Variants in GLIS1 observed in about 807,000 individuals in gnomAD.
The protein encoded by GLIS1 is zinc finger protein GLIS1.
In GLIS1, 24 loss-of-function variants were observed where a neutral mutation model predicts 63.8. The observed-to-expected ratio is 0.38, with a 90% CI of 0.27 to 0.53. The LOEUF is 0.53. GLIS1 is among the 20% of genes least tolerant of loss of function. The pLI, the probability that GLIS1 is intolerant of heterozygous loss-of-function variation, is 0.85. For missense variants in GLIS1, 1,036 were observed against 1,074.1 expected (o/e 0.96, Z 0.50); for synonymous variants, 450 against 482.5 (o/e 0.93, Z 0.88).
At chr1:53,603,561 CTGTT>C (rs1473491146) in intron 2 of GLIS1, among the ~76,000 whole-genome samples, 1 of 152,256 alleles carries the variant, frequency 6.6e-6, no homozygotes, top group Non-Finnish European at 1.5e-5. Flanking sequence ...TGCCTCCTGT[CTGTT>C]GTCTTGCCTC....
chr1:53,652,646 T>C (rs1056214572), intron 2 of GLIS1, among the ~76,000 whole-genome samples: 2 of 152,164 alleles, frequency 1.3e-5, no homozygotes, highest in Admixed American at 6.5e-5. Context: ...CAGTGAAGGT[T>C]AGTTGATAAA....
intron 2 of GLIS1, among the ~76,000 whole-genome samples, chr1:53,667,078 T>C (rs1005198026): frequency 2.8e-4 from 43 of 152,336 alleles, no homozygotes; most frequent in Non-Finnish European, 5.6e-4. Flanking sequence ...TTGGTGAAAA[T>C]GTTGATAATG....
At chr1:53,610,277 A>G (rs1330189331) in intron 2 of GLIS1, among the ~76,000 whole-genome samples, 2 of 152,240 alleles carry the variant, frequency 1.3e-5, no homozygotes, top group South Asian at 2.1e-4. Flanking sequence ...ATTTAAAAAA[A>G]TACTTTCCCT....
At chr1:53,721,249 G>GAGC (rs1646751152) in intron 2 of GLIS1, among the ~76,000 whole-genome samples, 2 of 152,086 alleles carry the variant, frequency 1.3e-5, no homozygotes, top group African/African-American at 4.8e-5. Context: ...CTTATTTAGG[G>GAGC]TGGCCTAATC....
chr1:53,508,432 C>T (rs1373783605), intron 10 of GLIS1, among the ~76,000 whole-genome samples: 1 of 152,210 alleles, frequency 6.6e-6, no homozygotes, highest in African/African-American at 2.4e-5. Context: ...TTTGTTGGAG[C>T]CCTGGAAACC....
At chr1:53,653,474 C>T (rs755494209) in intron 2 of GLIS1, among the ~76,000 whole-genome samples, 1 of 152,248 alleles carries the variant, frequency 6.6e-6, no homozygotes, top group East Asian at 1.9e-4. Flanking sequence ...TCTCTGTCTG[C>T]GTTCCTCTGT....
At position 53,557,100 on chromosome 1, in the gene GLIS1, G is replaced by T. The variant is rs78279101; in HGVS notation, c.1321-27148C>A. Among the ~76,000 whole-genome samples, 40 of 152,074 alleles carry T rather than the reference G, an allele frequency of 2.6e-4. 1 individual carries two copies. The East Asian group carries it at 7.0e-3, about 26-fold the overall frequency. ...ATATGTGTGTGCAGGTATACTTCAA[G>T]GTGTGTGCATGGGACATAAGCAGCA... On this transcript the variant is annotated intron_variant, in intron 4 of 10. Coordinates refer to ENST00000628545, the MANE Select transcript of GLIS1 (RefSeq NM_001367484.1).
intron 4 of GLIS1, among the ~76,000 whole-genome samples, chr1:53,541,571 C>T (rs568125547): frequency 2.0e-5 from 3 of 152,262 alleles, no homozygotes; most frequent in Non-Finnish European, 4.4e-5. Context: ...ACAGTGATGG[C>T]CTAGACCCAG....
chr1:53,736,827 C>A (rs1394252448), intron 2 of GLIS1, among the ~76,000 whole-genome samples: 3 of 152,186 alleles, frequency 2.0e-5, no homozygotes, highest in Non-Finnish European at 4.4e-5. Context: ...AGGCTGCCTA[C>A]CCCTTCCGAG....
In GLIS1 at chr1:53,598,952, G is replaced by C. The variant is rs759267520; in HGVS notation, c.437+1149C>G. Among the ~76,000 whole-genome samples the C allele has an allele frequency of 1.3e-5, 2 of 152,156 alleles. No homozygotes were observed. Among genetic ancestry groups the C allele is most frequent in the Non-Finnish European group, 2.9e-5 (2 of 68,024 alleles). ...CCTTCACCAAGATGCTCCCAGCACCGACCACAGTGCCTGGCACATGACAGG... is the reference window on the plus strand; with the variant it reads ...CCTTCACCAAGATGCTCCCAGCACCCACCACAGTGCCTGGCACATGACAGG... On this transcript the variant is annotated intron_variant, in intron 3 of 10. Transcript: ENST00000628545. This position sits in a 1 kb window ranked among gnomAD's most constrained non-coding sequence, Gnocchi z 4.6.
intron 2 of GLIS1, among the ~76,000 whole-genome samples, chr1:53,672,587 G>C (rs1557514364): frequency 6.6e-6 from 1 of 152,220 alleles, no homozygotes. Flanking sequence ...TCTTGGAGCA[G>C]TCTCTAACCG....
chr1:53,738,606 G>A (rs1280228380), intron 1 of GLIS1, among the ~76,000 whole-genome samples: 1 of 152,194 alleles, frequency 6.6e-6, no homozygotes, highest in Non-Finnish European at 1.5e-5. Context: ...CGAACCCAAA[G>A]GCCCGAGGGA....
At chr1:53,695,701 A>G (rs979169840) in intron 2 of GLIS1, among the ~76,000 whole-genome samples, 3 of 152,150 alleles carry the variant, frequency 2.0e-5, no homozygotes, top group Non-Finnish European at 2.9e-5. Flanking sequence ...AGCCAGAACA[A>G]AGGAGGGGAG....
At chr1:53,521,281 C>T (rs1644406178) in intron 6 of GLIS1, among the ~76,000 whole-genome samples, 1 of 152,098 alleles carries the variant, frequency 6.6e-6, no homozygotes, top group African/African-American at 2.4e-5. Flanking sequence ...TCTGTGCAGC[C>T]GCACCGGTGA....
chr1:53,649,484 C>A (rs1313429399), intron 2 of GLIS1, among the ~76,000 whole-genome samples: 4 of 152,180 alleles, frequency 2.6e-5, no homozygotes, highest in Non-Finnish European at 4.4e-5. Flanking sequence ...TTTCAAGGTT[C>A]TCACATATTT....
At chr1:53,582,393 T>A (rs757282678) in intron 4 of GLIS1, among the ~76,000 whole-genome samples, 16 of 152,162 alleles carry the variant, frequency 1.1e-4, no homozygotes, top group Non-Finnish European at 1.6e-4. Context: ...GCCCAGCAGC[T>A]CTTTGTGAAT....
intron 2 of GLIS1, among the ~76,000 whole-genome samples, chr1:53,671,562 A>G (rs2100396990): frequency 6.6e-6 from 1 of 152,330 alleles, no homozygotes; most frequent in Middle Eastern, 3.4e-3. Flanking sequence ...GAGAAGTTAT[A>G]AGGGCACAGA....
intron 2 of GLIS1, among the ~76,000 whole-genome samples, chr1:53,728,603 A>G (rs1331893926): frequency 1.3e-5 from 2 of 152,212 alleles, no homozygotes; most frequent in African/African-American, 4.8e-5. Flanking sequence ...CTTATATACA[A>G]ACTTCATGCC....
chr1:53,609,737 TTC>T (rs1242512715), intron 2 of GLIS1, among the ~76,000 whole-genome samples: 2 of 152,224 alleles, frequency 1.3e-5, no homozygotes, highest in Admixed American at 1.3e-4. Flanking sequence ...CAGGGATACA[TTC>T]TGAGAAATGC....
Sources: allele counts gnomAD v4.1 joint callset (sites outside exome capture counted in the v4.1 genomes callset), GRCh38; gene constraint gnomAD v4.1.1; non-coding constraint Gnocchi (gnomAD v3.1); transcripts MANE v1.5; gene names NCBI Gene and HGNC (gene_info 2026-07-23, HGNC 2026-07-21).